The following HTR1F variants were observed in gnomAD, a reference collection of about 807,000 sequenced individuals.
The protein encoded by HTR1F is 5-hydroxytryptamine receptor 1F.
A neutral mutation model predicts 24.0 loss-of-function variants in HTR1F; 17 were observed. The ratio of observed to expected loss-of-function variants is 0.71; its 90% CI spans 0.48 to 1.06. The LOEUF (loss-of-function observed/expected upper bound fraction) is 1.06, where lower values mean the gene tolerates loss of function less well. HTR1F is among the 50% of genes least tolerant of loss of function. The probability of loss-of-function intolerance (pLI) is 0.00; values close to 1 mark genes in which losing one functional copy is unlikely to be tolerated. For missense variants in HTR1F, 391 were observed against 427.8 expected (o/e 0.91, Z 0.76); for synonymous variants, 186 against 156.8 (o/e 1.19, Z -1.39).
rs1559663226 is a variant in HTR1F, at chr3:87,992,020, TCAC to T, written c.*174_*176del. 3.9e-6 allele frequency: 2 copies of T among 519,338 alleles called. No homozygotes were observed. The highest frequency in any genetic ancestry group is 6.7e-6 in the Non-Finnish European group (2 of 297,416). The allele number at this position is 519,338 out of a possible 1,614,324, so 32.2% of individuals were successfully genotyped here. Reference sequence around the variant, plus strand: ...GCAATGTGAATATAAAAGTTATTGATCACCACTATTCTAGGGTATTCAAAATTA... The same window carrying T: ...GCAATGTGAATATAAAAGTTATTGATCACTATTCTAGGGTATTCAAAATTA... On this transcript the variant is annotated 3_prime_UTR_variant, in exon 3 of 3. Transcript: ENST00000319595.
chr3:87,975,915 A>C (rs922437506), intron 2 of HTR1F, among the ~76,000 whole-genome samples: 8 of 152,236 alleles, frequency 5.3e-5, no homozygotes, highest in African/African-American at 1.4e-4. Flanking sequence ...TGACAAATCA[A>C]CTGCCCAATT....
At chr3:87,826,141 C>T (rs1482748264) in intron 2 of HTR1F, among the ~76,000 whole-genome samples, 3 of 152,210 alleles carry the variant, frequency 2.0e-5, no homozygotes, top group Admixed American at 6.5e-5. Context: ...TCTGCAGAAA[C>T]TCTGCATGCT....
chr3:87,855,683 CT>C (rs2107217286), intron 2 of HTR1F, among the ~76,000 whole-genome samples: 1 of 152,102 alleles, frequency 6.6e-6, no homozygotes, highest in South Asian at 2.1e-4. Context: ...CTAACATGGT[CT>C]GAAAATATTA....
intron 2 of HTR1F, among the ~76,000 whole-genome samples, chr3:87,830,426 A>G (rs144811092): frequency 1.3e-5 from 2 of 152,314 alleles, no homozygotes; most frequent in East Asian, 3.9e-4. Context: ...GCACACTGAT[A>G]TATTTTCAGA....
At chr3:87,951,573 C>T (rs1296365930) in intron 2 of HTR1F, among the ~76,000 whole-genome samples, 1 of 152,018 alleles carries the variant, frequency 6.6e-6, no homozygotes, top group African/African-American at 2.4e-5. Flanking sequence ...CTACCTGCCC[C>T]ATACATGTAT....
intron 2 of HTR1F, among the ~76,000 whole-genome samples, chr3:87,867,076 T>A (rs1188308767): frequency 6.6e-6 from 1 of 151,894 alleles, no homozygotes. Flanking sequence ...ATTTAAAAAA[T>A]TAATACTAGC....
intron 2 of HTR1F, among the ~76,000 whole-genome samples, chr3:87,857,786 G>T (rs540123330): frequency 6.6e-6 from 1 of 152,232 alleles, no homozygotes; most frequent in East Asian, 1.9e-4. Flanking sequence ...TCTTGGTGTT[G>T]TACGTTCTAT....
intron 2 of HTR1F, among the ~76,000 whole-genome samples, chr3:87,857,903 G>A (rs377481601): frequency 6.6e-6 from 1 of 151,982 alleles, no homozygotes; most frequent in Non-Finnish European, 1.5e-5. Context: ...TCTGCCTACG[G>A]CAAGATATGA....
At chr3:87,888,328 G>T (rs1437457788) in intron 2 of HTR1F, among the ~76,000 whole-genome samples, 1 of 152,114 alleles carries the variant, frequency 6.6e-6, no homozygotes, top group Non-Finnish European at 1.5e-5. Flanking sequence ...GTAGGGTGGG[G>T]TCTGGAGGAG....
chr3:87,841,304 G>GT (rs777487560), intron 2 of HTR1F, among the ~76,000 whole-genome samples: 3 of 151,718 alleles, frequency 2.0e-5, no homozygotes, highest in Non-Finnish European at 4.4e-5. Context: ...AAAAAATAGA[G>GT]TCTCTTGTAA....
rs1176787713 is a variant in HTR1F, at chr3:87,866,839, TGTGTGTGC to T, written c.-43+44723_-43+44730del. On this transcript the variant is annotated intron_variant, in intron 2 of 2. Transcript: ENST00000319595. ...GCGTGCGTGTGTGTGTGTGTGTGTG[TGTGTGTGC>T]GTGTGTGTGTTCAGGGAGCAGTTGT... is the stretch of plus-strand genomic sequence containing the variant. 1.1e-3 allele frequency among the ~76,000 whole-genome samples: 168 copies of T among 149,974 alleles called. 1 individual carries two copies. The highest frequency in any genetic ancestry group is 3.3e-3 in the African/African-American group (131 of 39,842).
intron 2 of HTR1F, among the ~76,000 whole-genome samples, chr3:87,942,402 G>A (rs560313679): frequency 6.6e-6 from 1 of 152,158 alleles, no homozygotes; most frequent in East Asian, 1.9e-4. Context: ...TTAACCTCCT[G>A]GCCCTCAATG....
intron 2 of HTR1F, among the ~76,000 whole-genome samples, chr3:87,901,873 G>A (rs896045973): frequency 4.6e-5 from 7 of 152,050 alleles, no homozygotes; most frequent in South Asian, 2.1e-4. Flanking sequence ...CAATGCTTAG[G>A]ATTAAATCTA....
intron 2 of HTR1F, among the ~76,000 whole-genome samples, chr3:87,930,090 G>T (rs1279844216): frequency 6.6e-6 from 1 of 152,120 alleles, no homozygotes; most frequent in Non-Finnish European, 1.5e-5. Context: ...CAGCTTGGCT[G>T]TTGCTATTGT....
intron 2 of HTR1F, among the ~76,000 whole-genome samples, chr3:87,984,354 C>G (rs1559658653): frequency 6.6e-6 from 1 of 151,546 alleles, no homozygotes; most frequent in Non-Finnish European, 1.5e-5. Context: ...TTCTTAATGA[C>G]AAGTACAAAG....
intron 2 of HTR1F, among the ~76,000 whole-genome samples, chr3:87,923,436 GT>G (rs1478702916): frequency 1.3e-5 from 2 of 151,810 alleles, no homozygotes; most frequent in Admixed American, 1.3e-4. Context: ...GTGTTTCATA[GT>G]TTTTATCAGA....
At chr3:87,795,273 A>T (rs931474351) in intron 1 of HTR1F, among the ~76,000 whole-genome samples, 5 of 152,168 alleles carry the variant, frequency 3.3e-5, no homozygotes, top group African/African-American at 1.2e-4. Context: ...CGTGAGCCAC[A>T]GCGCCCGGCC....
rs114329785 is a variant in HTR1F at position 87,972,785 on chromosome 3, C to G, written c.-42-17923C>G. ...AAATAAGCTATAGAATCATGTCATACGCTAAAGAAGCTTAAACCTGTTTTC... is the reference window on the plus strand; with the variant it reads ...AAATAAGCTATAGAATCATGTCATAGGCTAAAGAAGCTTAAACCTGTTTTC... On this transcript the variant is annotated intron_variant, in intron 2 of 2. Transcript: ENST00000319595. Among the ~76,000 whole-genome samples the G allele has an allele frequency of 8.3e-4, 127 of 152,172 alleles. 1 individual carries two copies. The Middle Eastern group carries it at 0.017, about 20-fold the overall frequency.
rs576028883 is a variant in HTR1F at position 87,915,308 on chromosome 3, A to C, written c.-42-75400A>C. On this transcript the variant is annotated intron_variant, in intron 2 of 2. Coordinates refer to ENST00000319595, the MANE Select transcript of HTR1F (RefSeq NM_001322209.2). ...AAAACAAGGTTCTATAACACCCCCC[A>C]AAAAATCACACTAGCTCACCAGCAG... Among the ~76,000 whole-genome samples the C allele has an allele frequency of 6.8e-4, 103 of 152,288 alleles. 1 individual carries two copies. Among genetic ancestry groups the C allele is most frequent in the Admixed American group, 6.7e-3 (103 of 15,284 alleles).
Sources: gnomAD v4.1 joint callset for allele counts (sites outside exome capture counted in the v4.1 genomes callset) on GRCh38, gnomAD v4.1.1 for gene constraint, MANE v1.5 for transcripts, NCBI Gene and HGNC (gene_info 2026-07-23, HGNC 2026-07-21) for gene names.